IL6: variants seen among roughly 807,000 people sequenced by gnomAD.
IL6 encodes the protein interleukin 6, also known as interleukin-6.
In IL6, 5 loss-of-function variants were observed where a neutral mutation model predicts 18.0. The observed-to-expected ratio is 0.28, with a 90% CI of 0.15 to 0.58. The LOEUF is 0.58. IL6 is among the 20% of genes least tolerant of loss of function. The pLI is 0.90. For missense variants in IL6, 266 were observed against 251.0 expected, an observed-to-expected ratio of 1.06 and a Z score of -0.40; for synonymous variants, 97 against 95.1, an observed-to-expected ratio of 1.02 and a Z score of -0.12.
chr7:22,727,323 G>A, intron 1 of IL6, 42 bp downstream of exon 1: 2 of 1,614,004 alleles, frequency 1.2e-6, no homozygotes, highest in Admixed American at 1.7e-5. Flanking sequence ...GCCAGCGGCG[G>A]TCGAGCCCTG....
chr7:22,730,423 G>A, intron 4 of IL6: 1 of 280,492 alleles, frequency 3.6e-6, no homozygotes. Flanking sequence ...CCCTGGTGAT[G>A]CTGCAGAATT....
At position 22,728,703 on chromosome 7, in the gene IL6, A is replaced by G. The variant is rs746269216; in HGVS notation, c.221A>G (p.Lys74Arg). Residue 74 changes from lysine to arginine, a missense_variant, in exon 3 of 5, where the codon AAG becomes AGG. Lys to Arg is a conservative substitution (Grantham distance 26). Coordinates refer to ENST00000258743, the MANE Select transcript of IL6 (RefSeq NM_000600.5). ...GGTATTCTTTCCCAGACATGTAACAAGAGTAACATGTGTGAAAGCAGCAAA... is the reference window on the plus strand; with the variant it reads ...GGTATTCTTTCCCAGACATGTAACAGGAGTAACATGTGTGAAAGCAGCAAA... ...ISALRKETCNKSNMCESSKEA... is the reference protein window; with the variant it reads ...ISALRKETCNRSNMCESSKEA... The G allele has an allele frequency of 3.1e-6, 5 of 1,592,344 alleles. No individual in the cohort carries two copies. In the South Asian group the frequency reaches 3.3e-5, roughly 11 times the overall value.
chr7:22,727,518 C>A lies in IL6; in HGVS notation c.94C>A (p.Pro32Thr). ...TGCTGCCTTCCCTGCCCCAGTACCC[C>A]CAGGAGAAGATTCCAAAGATGTAGC... The part of the protein sequence containing the change: ...LPAAFPAPVP[P>T]GEDSKDVAAP... Residue 32 changes from proline (P) to threonine (T), a missense_variant, in exon 2 of 5, where the codon CCA becomes ACA. By Grantham distance (38) the Pro-to-Thr change is conservative. Coordinates refer to ENST00000258743, the MANE Select transcript of IL6 (RefSeq NM_000600.5). 1.2e-6 allele frequency: 2 copies of A among 1,613,922 alleles called. No homozygotes were observed. The highest frequency in any genetic ancestry group is 1.7e-6 in the Non-Finnish European group (2 of 1,179,934).
At chr7:22,727,752 G>T in intron 2 of IL6, 118 bp downstream of exon 2, 1 of 1,152,564 alleles carries the variant, frequency 8.7e-7, no homozygotes. Flanking sequence ...GAGCACTGTA[G>T]ATTTGAGGCC....
Position 22,729,598 on chromosome 7 carries a change from G to A in IL6, c.409G>A (p.Glu137Lys), listed in dbSNP as rs1008485748. ...CCTCCAGAACAGATTTGAGAGTAGT[G>A]AGGAACAAGCCAGAGCTGTGCAGAT... ...EYLQNRFESS[E>K]EQARAVQMST... Residue 137 changes from glutamate (E) to lysine (K), a missense_variant, in exon 4 of 5, where the codon GAG becomes AAG. By Grantham distance (56) the Glu-to-Lys change is moderately conservative. Coordinates refer to ENST00000258743, the MANE Select transcript of IL6 (RefSeq NM_000600.5). 8.7e-6 allele frequency: 14 copies of A among 1,614,178 alleles called. No individual in the cohort carries two copies. Among genetic ancestry groups the A allele is most frequent in the Non-Finnish European group, 1.2e-5 (14 of 1,180,022 alleles).
At chr7:22,729,438 AC>A in intron 3 of IL6, 75 bp from the exon 4 acceptor site, 1 of 1,412,970 alleles carries the variant, frequency 7.1e-7, no homozygotes, top group Non-Finnish European at 9.8e-7. Context: ...AAGATGTCGA[AC>A]TGTGGCAATT....
At chr7:22,729,923 T>C in intron 4 of IL6, 2 of 1,385,734 alleles carry the variant, frequency 1.4e-6, no homozygotes, top group Non-Finnish European at 1.9e-6. Context: ...TTTTTAATAG[T>C]GCAAGAGATT....
At chr7:22,730,848 A>G (rs1784111965) in intron 4 of IL6, among the ~76,000 whole-genome samples, 1 of 152,136 alleles carries the variant, frequency 6.6e-6, no homozygotes, top group Non-Finnish European at 1.5e-5. Flanking sequence ...CCCCATCTCT[A>G]CAAAAAACCA....
chr7:22,731,516 T>C lies in IL6; in HGVS notation c.582T>C (p.Ile194=), dbSNP rs781607647. 3.7e-6 allele frequency: 6 copies of C among 1,611,026 alleles called. No homozygotes were observed. In the South Asian group the frequency reaches 5.5e-5, roughly 15 times the overall value. Residue 194 remains isoleucine (I), a synonymous_variant, in exon 5 of 5, where the codon ATT becomes ATC. Coordinates refer to ENST00000258743, the MANE Select transcript of IL6 (RefSeq NM_000600.5). The stretch of plus-strand genomic sequence containing the variant: ...TGCAGGACATGACAACTCATCTCAT[T>C]CTGCGCAGCTTTAAGGAGTTCCTGC... ...QWLQDMTTHL[I]LRSFKEFLQS... is the part of the protein sequence containing the mutation.
At chr7:22,727,784 T>C (rs1377739895) in intron 2 of IL6, 150 bp downstream of exon 2, 1 of 797,708 alleles carries the variant, frequency 1.3e-6, no homozygotes, top group East Asian at 2.9e-5. Flanking sequence ...CTAGACTGAC[T>C]TCTGTATTTA....
intron 4 of IL6, among the ~76,000 whole-genome samples, chr7:22,730,689 A>T (rs1363715560): frequency 6.6e-6 from 1 of 152,186 alleles, no homozygotes; most frequent in Non-Finnish European, 1.5e-5. Context: ...GCATTATTTC[A>T]TATGACAGAA....
intron 3 of IL6, among the ~76,000 whole-genome samples, chr7:22,729,255 AG>A (rs1235665488): frequency 1.3e-5 from 2 of 152,168 alleles, no homozygotes; most frequent in African/African-American, 4.8e-5. Flanking sequence ...AAGAACATCA[AG>A]GGGGACAATC....
chr7:22,729,037 A>G (rs535321165), intron 3 of IL6, among the ~76,000 whole-genome samples: 2 of 152,318 alleles, frequency 1.3e-5, no homozygotes, highest in South Asian at 2.1e-4. Flanking sequence ...ACAACTGTCA[A>G]ATGTTTAAAA....
chr7:22,727,772 G>A (rs1311135711), intron 2 of IL6, 138 bp downstream of exon 2: 6 of 838,352 alleles, frequency 7.2e-6, no homozygotes, highest in Non-Finnish European at 8.9e-6. Flanking sequence ...CAACGGGGCC[G>A]ACTAGACTGA....
intron 3 of IL6, 115 bp from the exon 4 acceptor site, chr7:22,729,399 C>T (rs1784079791): frequency 2.1e-6 from 2 of 954,534 alleles, no homozygotes; most frequent in Non-Finnish European, 3.3e-6. Flanking sequence ...CTAAGAGGTA[C>T]TTGAAGTTCT....
Position 22,729,679 on chromosome 7 carries a change from C to T in IL6, c.471+19C>T. ...GAAAAAGGTGGGTGTGTCCTCATTC[C>T]CTCAACTTGGTGTGGGGGAAGACAG... On this transcript the variant is annotated intron_variant, in intron 4 of 4. Coordinates refer to ENST00000258743, the MANE Select transcript of IL6 (RefSeq NM_000600.5). 1.2e-6 allele frequency: 2 copies of T among 1,614,144 alleles called. No individual in the cohort carries two copies. Among genetic ancestry groups the T allele is most frequent in the Non-Finnish European group, 1.7e-6 (2 of 1,180,016 alleles).
At chr7:22,730,289 C>T (rs1330232011) in intron 4 of IL6, 1 of 985,204 alleles carries the variant, frequency 1.0e-6, no homozygotes, top group African/African-American at 1.7e-5. Flanking sequence ...GCCATTTCTA[C>T]TTAAGCCAGG....
chr7:22,729,571 T>C lies in IL6; in HGVS notation c.382T>C (p.Tyr128His). 2 of 1,614,058 alleles carry C rather than the reference T, an allele frequency of 1.2e-6. No homozygotes were observed. The highest frequency in any genetic ancestry group is 3.3e-4 in the Middle Eastern group (2 of 6,058). Residue 128 changes from tyrosine (Y) to histidine (H), a missense_variant, in exon 4 of 5, where the codon TAC becomes CAC. Coordinates refer to ENST00000258743, the MANE Select transcript of IL6 (RefSeq NM_000600.5). Reference protein sequence around the residue: ...GLLEFEVYLEYLQNRFESSEE... With the variant: ...GLLEFEVYLEHLQNRFESSEE... ...TTTGGAGTTTGAGGTATACCTAGAG[T>C]ACCTCCAGAACAGATTTGAGAGTAG...
At chr7:22,729,933 T>C in intron 4 of IL6, 1 of 1,323,058 alleles carries the variant, frequency 7.6e-7, no homozygotes, top group Non-Finnish European at 9.7e-7. Context: ...TGCAAGAGAT[T>C]TAAAACCAAA....
Sources: allele counts gnomAD v4.1 joint callset (sites outside exome capture counted in the v4.1 genomes callset), GRCh38; gene constraint gnomAD v4.1.1; transcripts MANE v1.5; gene names NCBI Gene and HGNC (gene_info 2026-07-23, HGNC 2026-07-21).